Variants in KIRREL1 observed in about 807,000 individuals in gnomAD.
KIRREL1 encodes kin of IRRE-like protein 1.
Under a neutral mutation model 83.3 loss-of-function variants are expected in KIRREL1, and 25 were observed. The ratio of observed to expected loss-of-function variants is 0.30; its 90% CI spans 0.22 to 0.42. The LOEUF (loss-of-function observed/expected upper bound fraction) is 0.42. Among genes scored for constraint, KIRREL1 ranks in the 10% least tolerant of loss-of-function variants. The pLI is 1.00. For missense variants in KIRREL1, 812 were observed against 1,032.3 expected, an observed-to-expected ratio of 0.79 and a Z score of 2.92; for synonymous variants, 388 against 410.4, an observed-to-expected ratio of 0.95 and a Z score of 0.66.
At chr1:158,070,887 C>G (rs1661492463) in intron 1 of KIRREL1, among the ~76,000 whole-genome samples, 1 of 152,168 alleles carries the variant, frequency 6.6e-6, no homozygotes, top group South Asian at 2.1e-4. Flanking sequence ...CTGTGCTCCT[C>G]TCACCCCTCA....
intron 1 of KIRREL1, among the ~76,000 whole-genome samples, chr1:158,007,356 C>T (rs1197643599): frequency 6.6e-6 from 1 of 152,020 alleles, no homozygotes; most frequent in Non-Finnish European, 1.5e-5. Context: ...AGGAGGACAC[C>T]AGGTGGAGCC....
chr1:158,066,798 C>T (rs1037089082), intron 1 of KIRREL1, among the ~76,000 whole-genome samples: 3 of 152,208 alleles, frequency 2.0e-5, no homozygotes, highest in Admixed American at 2.0e-4. Context: ...CTTTTGCTCT[C>T]CTTCCTCTTA....
chr1:158,078,533 T>A (rs551265888), intron 3 of KIRREL1, among the ~76,000 whole-genome samples: 18 of 152,052 alleles, frequency 1.2e-4, no homozygotes, highest in Non-Finnish European at 1.8e-4. Flanking sequence ...CCTTCCACTT[T>A]CCTCTCAGCT....
chr1:158,052,727 A>G (rs574651176), intron 1 of KIRREL1, among the ~76,000 whole-genome samples: 1 of 152,198 alleles, frequency 6.6e-6, no homozygotes, highest in South Asian at 2.1e-4. Context: ...CTGAGCTTGC[A>G]GTGAGCCGAG....
chr1:158,056,777 G>A (rs1661074896), intron 1 of KIRREL1, among the ~76,000 whole-genome samples: 1 of 152,204 alleles, frequency 6.6e-6, no homozygotes, highest in African/African-American at 2.4e-5. Flanking sequence ...CAGAGCAGCT[G>A]GCTGGGCGGG....
At chr1:157,996,597 C>T (rs751809508) in intron 1 of KIRREL1, among the ~76,000 whole-genome samples, 3 of 152,142 alleles carry the variant, frequency 2.0e-5, no homozygotes, top group African/African-American at 4.8e-5. Context: ...CAGGATTCAA[C>T]TCCCTGAGTA....
chr1:158,071,598 C>T (rs1394132859), intron 1 of KIRREL1, among the ~76,000 whole-genome samples: 1 of 152,204 alleles, frequency 6.6e-6, no homozygotes, highest in Non-Finnish European at 1.5e-5. Flanking sequence ...CACTGTATGT[C>T]TGTGGTCAGG....
intron 1 of KIRREL1, among the ~76,000 whole-genome samples, chr1:158,043,040 A>C (rs1382735814): frequency 1.3e-5 from 2 of 149,952 alleles, no homozygotes; most frequent in Non-Finnish European, 3.0e-5. Context: ...GTGAGCGGAG[A>C]TTGCACCACT....
At chr1:158,018,972 C>A (rs562823119) in intron 1 of KIRREL1, among the ~76,000 whole-genome samples, 1 of 152,192 alleles carries the variant, frequency 6.6e-6, no homozygotes, top group African/African-American at 2.4e-5. Context: ...AAGGTTCATT[C>A]GGATGACTTG....
intron 1 of KIRREL1, among the ~76,000 whole-genome samples, chr1:158,056,275 C>T (rs746610678): frequency 9.2e-4 from 140 of 152,370 alleles, no homozygotes; most frequent in Non-Finnish European, 6.2e-4. Flanking sequence ...CCTCCTCTCC[C>T]GAGAAGCCCC....
intron 1 of KIRREL1, among the ~76,000 whole-genome samples, chr1:158,061,725 G>A (rs1478309024): frequency 6.6e-6 from 1 of 152,206 alleles, no homozygotes; most frequent in Non-Finnish European, 1.5e-5. Flanking sequence ...GGGGTGAGTA[G>A]AAAAGCTGAG....
intron 1 of KIRREL1, among the ~76,000 whole-genome samples, chr1:158,010,354 CACACACA>C (rs1659641348): frequency 8.5e-5 from 12 of 140,510 alleles, no homozygotes; most frequent in South Asian, 4.4e-4. Flanking sequence ...CACACACACA[CACACACA>C]CCCCACACAG....
At chr1:158,078,755 T>C (rs1188933770) in intron 3 of KIRREL1, among the ~76,000 whole-genome samples, 2 of 151,904 alleles carry the variant, frequency 1.3e-5, no homozygotes, top group African/African-American at 4.8e-5. Context: ...AGGGATGGGG[T>C]CCTGCTGTGT....
intron 1 of KIRREL1, among the ~76,000 whole-genome samples, chr1:158,022,189 G>A (rs1321638904): frequency 6.6e-6 from 1 of 152,144 alleles, no homozygotes; most frequent in Non-Finnish European, 1.5e-5. Flanking sequence ...ACCTGGGGAA[G>A]GCATGAAGCA....
intron 1 of KIRREL1, among the ~76,000 whole-genome samples, chr1:158,020,110 A>G (rs1659958647): frequency 6.6e-6 from 1 of 152,312 alleles, no homozygotes; most frequent in East Asian, 1.9e-4. Context: ...TGGGGTGGAC[A>G]GAATTTCCTT....
intron 1 of KIRREL1, among the ~76,000 whole-genome samples, chr1:158,000,280 T>G (rs1659325110): frequency 6.6e-6 from 1 of 152,228 alleles, no homozygotes; most frequent in East Asian, 1.9e-4. Flanking sequence ...TACCCAAGCC[T>G]TTTCAGTCAC....
chr1:158,064,689 T>C (rs1175746057), intron 1 of KIRREL1, among the ~76,000 whole-genome samples: 2 of 152,094 alleles, frequency 1.3e-5, no homozygotes, highest in Non-Finnish European at 2.9e-5. Context: ...TCCTAGGGCT[T>C]GTATGGAAGG....
Position 158,093,692 on chromosome 1 carries a change from T to C in KIRREL1, c.1649T>C (p.Met550Thr), listed in dbSNP as rs757225630. ...ACAGTGAACCGAGAGCCACTTACGA[T>C]GCATTCTGACCGGGAGGATGACACC... Reference protein sequence around the residue: ...VETVNREPLTMHSDREDDTAS... With the variant: ...VETVNREPLTTHSDREDDTAS... Residue 550 changes from methionine (M) to threonine (T), a missense_variant, in exon 13 of 15, where the codon ATG (methionine) becomes ACG (threonine). Coordinates refer to ENST00000359209, the MANE Select transcript of KIRREL1 (RefSeq NM_018240.7). The C allele has an allele frequency of 2.5e-6, 4 of 1,614,032 alleles. No individual in the cohort carries two copies. The African/African-American group carries it at 5.3e-5, about 22-fold the overall frequency.
At chr1:158,000,069 G>C (rs1049131241) in intron 1 of KIRREL1, among the ~76,000 whole-genome samples, 1 of 150,678 alleles carries the variant, frequency 6.6e-6, no homozygotes, top group Non-Finnish European at 1.5e-5. Context: ...AAGATGGGGT[G>C]GGGGCTGAGG....
Sources: gnomAD v4.1 joint callset for allele counts (sites outside exome capture counted in the v4.1 genomes callset) on GRCh38, gnomAD v4.1.1 for gene constraint, MANE v1.5 for transcripts, NCBI Gene and HGNC (gene_info 2026-07-23, HGNC 2026-07-21) for gene names.